Variants in GPHN observed in about 807,000 individuals in gnomAD.
GPHN encodes gephyrin.
A neutral mutation model predicts 95.5 loss-of-function variants in GPHN; 17 were observed. The ratio of observed to expected loss-of-function variants is 0.18; its 90% CI spans 0.12 to 0.27. The LOEUF (loss-of-function observed/expected upper bound fraction) is 0.27, where lower values mean the gene tolerates loss of function less well. GPHN is among the 10% of genes least tolerant of loss of function. GPHN has a pLI of 1.00. For synonymous variants in GPHN, 320 were observed against 322.5 expected (o/e 0.99, Z 0.08); for missense variants, 660 against 978.1 (o/e 0.67, Z 4.34).
intron 8 of GPHN, among the ~76,000 whole-genome samples, chr14:66,963,922 T>C (rs928741241): frequency 3.0e-4 from 45 of 152,190 alleles, no homozygotes; most frequent in African/African-American, 9.6e-4. Flanking sequence ...AGTCTGGCTG[T>C]TTCTTCTTTT....
At chr14:67,305,036 G>T in the GPHN span, among the ~76,000 whole-genome samples, 1 of 151,996 alleles carries the variant, frequency 6.6e-6, no homozygotes, top group African/African-American at 2.4e-5. Flanking sequence ...TATGTTTACA[G>T]TTTTTTTGCA....
At chr14:67,265,715 G>A in the GPHN span, among the ~76,000 whole-genome samples, 1 of 151,854 alleles carries the variant, frequency 6.6e-6, no homozygotes, top group Non-Finnish European at 1.5e-5. Context: ...AAATTAACCA[G>A]TTGCAGTGAC....
chr14:67,066,848 T>C (rs2076077961), intron 11 of GPHN, among the ~76,000 whole-genome samples: 1 of 152,184 alleles, frequency 6.6e-6, no homozygotes, highest in Admixed American at 6.5e-5. Flanking sequence ...TTTCAAGGTT[T>C]TTAGCTTCCT....
At chr14:66,895,279 G>A (rs1184398858) in intron 5 of GPHN, among the ~76,000 whole-genome samples, 1 of 152,168 alleles carries the variant, frequency 6.6e-6, no homozygotes, top group Non-Finnish European at 1.5e-5. Context: ...GACACCGCAT[G>A]TTCTCACTCA....
chr14:67,326,643 C>T, the GPHN span, among the ~76,000 whole-genome samples: 1 of 152,048 alleles, frequency 6.6e-6, no homozygotes, highest in Non-Finnish European at 1.5e-5. Context: ...TCCATTCTTT[C>T]TTTCTGGCAA....
intron 1 of GPHN, among the ~76,000 whole-genome samples, chr14:66,647,273 A>G (rs571665400): frequency 6.7e-6 from 1 of 149,954 alleles, no homozygotes; most frequent in East Asian, 1.9e-4. Flanking sequence ...AAATCAGATC[A>G]TGCCAACCCT....
the GPHN span, chr14:67,579,048 C>G: frequency 1.1e-6 from 1 of 913,718 alleles, no homozygotes; most frequent in East Asian, 2.5e-5. Context: ...CAGTTTTGGT[C>G]CTGGCTGAGT....
At chr14:67,030,811 C>CT (rs765495586) in intron 10 of GPHN, among the ~76,000 whole-genome samples, 6 of 152,158 alleles carry the variant, frequency 3.9e-5, no homozygotes, top group Non-Finnish European at 8.8e-5. Flanking sequence ...TTACCAGAAT[C>CT]TATCACCATG....
chr14:66,888,285 A>G (rs2064302165), intron 5 of GPHN, among the ~76,000 whole-genome samples: 1 of 152,218 alleles, frequency 6.6e-6, no homozygotes, highest in African/African-American at 2.4e-5. Context: ...GAGAAAATCG[A>G]AAATAAAAAA....
Position 66,795,109 on chromosome 14 carries a change from CAGAT to C in GPHN, c.201+18592_201+18595del, listed in dbSNP as rs531969909. On this transcript the variant is annotated intron_variant, in intron 3 of 22. Transcript: ENST00000478722. ...TAAATAAATAAAATAAATAGATAGA[CAGAT>C]AGAGAGGCACACTATCTTACTGGGT... Among the ~76,000 whole-genome samples the C allele has an allele frequency of 1.8e-3, 276 of 152,118 alleles. 2 individuals are homozygous for C. The highest frequency in any genetic ancestry group is 1.8e-3 in the African/African-American group (75 of 41,496).
chr14:67,732,058 C>T, the GPHN span, among the ~76,000 whole-genome samples: 9 of 143,916 alleles, frequency 6.3e-5, no homozygotes, highest in African/African-American at 1.8e-4. Flanking sequence ...ACCTGGGAGG[C>T]GGAGGCTGCA....
intron 3 of GPHN, chr14:66,823,458 A>AG (rs2061279093): frequency 6.6e-6 from 1 of 152,186 alleles, no homozygotes; most frequent in African/African-American, 2.4e-5. Flanking sequence ...TTGATTTTTG[A>AG]GGGGCTTTCC....
At chr14:67,522,116 T>C in the GPHN span, among the ~76,000 whole-genome samples, 1 of 152,140 alleles carries the variant, frequency 6.6e-6, no homozygotes, top group Non-Finnish European at 1.5e-5. Context: ...GAGGTTGCAG[T>C]GAGCTGAGAT....
chr14:67,382,533 G>A, the GPHN span: 5 of 1,613,898 alleles, frequency 3.1e-6, no homozygotes, highest in Non-Finnish European at 4.2e-6. Flanking sequence ...GTCAAGCTAT[G>A]GCTGTTATCA....
intron 1 of GPHN, among the ~76,000 whole-genome samples, chr14:66,520,825 C>T (rs2058450823): frequency 6.6e-6 from 1 of 151,782 alleles, no homozygotes; most frequent in Non-Finnish European, 1.5e-5. Flanking sequence ...AGCCTGGTAC[C>T]CAATAGTTAT....
chr14:67,165,770 C>A (rs2082242059), intron 20 of GPHN, among the ~76,000 whole-genome samples: 1 of 152,210 alleles, frequency 6.6e-6, no homozygotes, highest in Non-Finnish European at 1.5e-5. Context: ...TACTCATCAT[C>A]AGTCTACAAC....
chr14:67,243,290 G>T, the GPHN span, among the ~76,000 whole-genome samples: 16 of 149,672 alleles, frequency 1.1e-4, no homozygotes, highest in African/African-American at 3.7e-4. Context: ...TGGTTCAAGT[G>T]ATTCTCCTGC....
intron 2 of GPHN, among the ~76,000 whole-genome samples, chr14:66,768,636 C>A (rs2059050153): frequency 6.6e-6 from 1 of 151,920 alleles, no homozygotes; most frequent in African/African-American, 2.4e-5. Context: ...TAAGCAAAAA[C>A]TGGCAGAATT....
the GPHN span, among the ~76,000 whole-genome samples, chr14:67,567,690 G>C: frequency 6.6e-6 from 1 of 151,970 alleles, no homozygotes; most frequent in African/African-American, 2.4e-5. Flanking sequence ...GTTGTCCCAG[G>C]GCTGCTGCTC....
Sources: allele counts gnomAD v4.1 joint callset (sites outside exome capture counted in the v4.1 genomes callset), GRCh38; gene constraint gnomAD v4.1.1; transcripts MANE v1.5; gene names NCBI Gene and HGNC (gene_info 2026-07-23, HGNC 2026-07-21).